Variants in CDH13 observed in about 807,000 individuals in gnomAD.
CDH13 encodes cadherin 13.
Under a neutral mutation model 63.8 loss-of-function variants are expected in CDH13, and 24 were observed. The observed-to-expected ratio is 0.38, with a 90% CI of 0.27 to 0.53. CDH13 has a LOEUF of 0.53. Ranked by LOEUF, CDH13 falls within the 20% of genes least tolerant of loss-of-function variation. CDH13 has a pLI of 0.85. For missense variants in CDH13, 1,049 were observed against 903.1 expected (o/e 1.16, Z -2.07); for synonymous variants, 503 against 355.3 (o/e 1.42, Z -4.67).
intron 8 of CDH13, among the ~76,000 whole-genome samples, chr16:83,633,682 A>G (rs1212722362): frequency 2.0e-5 from 3 of 152,160 alleles, no homozygotes; most frequent in Non-Finnish European, 4.4e-5. Flanking sequence ...GAAGACGCAC[A>G]CTGGCTTTCC....
chr16:82,864,918 C>T (rs573225882), intron 2 of CDH13, among the ~76,000 whole-genome samples: 54 of 152,234 alleles, frequency 3.5e-4, no homozygotes, highest in African/African-American at 7.0e-4. Context: ...AATGGAGGTA[C>T]GGGCATTGGG....
chr16:82,890,650 C>CTTT lies in CDH13; in HGVS notation c.157+32192_157+32194dup, dbSNP rs34036747. On this transcript the variant is annotated intron_variant, in intron 2 of 13. Transcript: ENST00000567109. ...CTATAAATTGAGCATGAGAGACATT[C>CTTT]TTTTTTTTTTTTTTTTTCCAAGACT... Among the ~76,000 whole-genome samples the CTTT allele has an allele frequency of 3.8e-3, 524 of 139,242 alleles. 5 individuals carry two copies. Among genetic ancestry groups the CTTT allele is most frequent in the African/African-American group, 0.013 (472 of 37,518 alleles). The allele number at this position is 139,242 out of a possible 152,430, so 91.3% of individuals were successfully genotyped here. A position where few individuals can be genotyped will look rare whatever the true frequency, so the allele number is the denominator to read the frequency against.
chr16:82,723,380 C>T (rs1288175805), intron 1 of CDH13, among the ~76,000 whole-genome samples: 1 of 151,920 alleles, frequency 6.6e-6, no homozygotes, highest in Non-Finnish European at 1.5e-5. Flanking sequence ...CACCAGCTCT[C>T]TTCCTTCTTT....
chr16:83,191,556 T>C (rs11863735), intron 4 of CDH13, among the ~76,000 whole-genome samples: 6,756 of 126,812 alleles, frequency 0.053, 582 homozygotes, highest in African/African-American at 0.18. Flanking sequence ...TATATATATA[T>C]ACACACACAC....
chr16:82,969,918 A>G (rs575239149), intron 2 of CDH13, among the ~76,000 whole-genome samples: 1 of 151,922 alleles, frequency 6.6e-6, no homozygotes, highest in Non-Finnish European at 1.5e-5. Context: ...CACCTTTCTT[A>G]ATCCTCCATT....
chr16:83,057,861 T>G (rs142892473), intron 3 of CDH13, among the ~76,000 whole-genome samples: 1 of 152,340 alleles, frequency 6.6e-6, no homozygotes, highest in African/African-American at 2.4e-5. Context: ...AGAAAAATGC[T>G]GACGCTTAAA....
chr16:82,864,084 A>G (rs369195948), intron 2 of CDH13, among the ~76,000 whole-genome samples: 1 of 152,236 alleles, frequency 6.6e-6, no homozygotes, highest in African/African-American at 2.4e-5. Context: ...TTTGTGAAAA[A>G]TGCACCAAAT....
rs111654591 is a variant in CDH13, at chr16:83,270,705, G to A, written c.636+53208G>A. The stretch of plus-strand genomic sequence containing the variant: ...GGAGGCTTCATATTTTTCAAGACAC[G>A]TTCCTATCTGTCATCTTCTATCCTC... On this transcript the variant is annotated intron_variant, in intron 5 of 13. Transcript: ENST00000567109. Among the ~76,000 whole-genome samples the A allele has an allele frequency of 2.2e-4, 34 of 152,118 alleles. No individual in the cohort carries two copies. The East Asian group carries it at 3.7e-3, about 16-fold the overall frequency.
chr16:82,953,041 G>A (rs957799160), intron 2 of CDH13, among the ~76,000 whole-genome samples: 1 of 152,138 alleles, frequency 6.6e-6, no homozygotes, highest in Non-Finnish European at 1.5e-5. Context: ...AAGCGATAGA[G>A]AATTAGATAT....
intron 1 of CDH13, among the ~76,000 whole-genome samples, chr16:82,713,373 A>C (rs74923365): frequency 1.3e-5 from 2 of 152,136 alleles, no homozygotes; most frequent in Non-Finnish European, 2.9e-5. Context: ...AAGTACCTGC[A>C]TGAGTCCCAG....
intron 7 of CDH13, among the ~76,000 whole-genome samples, chr16:83,589,284 C>CA (rs1208258212): frequency 1.8e-4 from 23 of 128,300 alleles, no homozygotes; most frequent in Non-Finnish European, 3.2e-4. Flanking sequence ...CCTTTCCCCC[C>CA]CCCGGACCCC....
At chr16:83,703,717 T>C (rs1405549060) in intron 10 of CDH13, among the ~76,000 whole-genome samples, 1 of 152,220 alleles carries the variant, frequency 6.6e-6, no homozygotes, top group Non-Finnish European at 1.5e-5. Context: ...AAGTACTTTT[T>C]AAGAAACAAG....
At chr16:83,443,815 G>A (rs189137984) in intron 6 of CDH13, among the ~76,000 whole-genome samples, 1 of 143,624 alleles carries the variant, frequency 7.0e-6, no homozygotes, top group African/African-American at 2.5e-5. Context: ...TGTGCCTGTA[G>A]TCCCAGCTAC....
At chr16:83,683,481 C>T (rs1055028717) in intron 10 of CDH13, among the ~76,000 whole-genome samples, 14 of 152,228 alleles carry the variant, frequency 9.2e-5, no homozygotes, top group African/African-American at 2.9e-4. Flanking sequence ...TTGCATTATC[C>T]ACCCTCAAAC....
chr16:83,783,202 T>G, intron 12 of CDH13, 52 bp from the exon 13 acceptor site: 2 of 1,287,152 alleles, frequency 1.6e-6, no homozygotes. Context: ...CCTCACTCTT[T>G]TATTGGAAAA....
At chr16:82,682,151 A>T (rs1425945039) in intron 1 of CDH13, among the ~76,000 whole-genome samples, 1 of 152,198 alleles carries the variant, frequency 6.6e-6, no homozygotes, top group African/African-American at 2.4e-5. Flanking sequence ...CTTGTTCCCA[A>T]TGATAAGACT....
At position 82,761,135 on chromosome 16, in the gene CDH13, T is replaced by A. The variant is rs375358523; in HGVS notation, c.46-97227T>A. 4.1e-5 allele frequency among the ~76,000 whole-genome samples: 6 copies of A among 146,736 alleles called. No individual in the cohort carries two copies. In the South Asian group the frequency reaches 1.4e-3, roughly 34 times the overall value. On this transcript the variant is annotated intron_variant, in intron 1 of 13. Coordinates refer to ENST00000567109, the MANE Select transcript of CDH13 (RefSeq NM_001257.5). ...GCCTTCCAGGTTCAAGTGAATCTCC[T>A]GCCTCATCCTCCCAAGTAACTGGGA...
chr16:82,999,913 G>T (rs541775513), intron 2 of CDH13, among the ~76,000 whole-genome samples: 118 of 152,264 alleles, frequency 7.7e-4, no homozygotes, highest in Non-Finnish European at 1.4e-3. Flanking sequence ...GAGGGCATTT[G>T]GCAGTGTCTA....
At chr16:82,915,553 GA>G (rs1444356466) in intron 2 of CDH13, among the ~76,000 whole-genome samples, 1 of 152,012 alleles carries the variant, frequency 6.6e-6, no homozygotes, top group Non-Finnish European at 1.5e-5. Context: ...AGTCATTGTT[GA>G]AAAATCTTAG....
Sources: gnomAD v4.1 joint callset for allele counts (sites outside exome capture counted in the v4.1 genomes callset) on GRCh38, gnomAD v4.1.1 for gene constraint, MANE v1.5 for transcripts, NCBI Gene and HGNC (gene_info 2026-07-23, HGNC 2026-07-21) for gene names.